The following NLGN1 variants were observed in gnomAD, a reference collection of about 807,000 sequenced individuals.
The protein encoded by NLGN1 is neuroligin 1, also known as neuroligin-1.
A neutral mutation model predicts 65.5 loss-of-function variants in NLGN1; 12 were observed. That is an observed-to-expected ratio of 0.18 (90% CI 0.12 to 0.30). The LOEUF (loss-of-function observed/expected upper bound fraction) is 0.30. NLGN1 is among the 10% of genes least tolerant of loss of function. The pLI is 1.00. For synonymous variants in NLGN1, 350 were observed against 359.5 expected (o/e 0.97, Z 0.30); for missense variants, 750 against 1,007.1 (o/e 0.74, Z 3.46).
Position 173,928,672 on chromosome 3 carries a change from A to ATTTT in NLGN1, c.646+120856_646+120859dup, listed in dbSNP as rs34589178. Among the ~76,000 whole-genome samples, 420 of 134,510 alleles carry ATTTT rather than the reference A, an allele frequency of 3.1e-3. 4 individuals are homozygous for ATTTT. Among genetic ancestry groups the ATTTT allele is most frequent in the East Asian group, 0.017 (79 of 4,552 alleles). 88.2% of individuals were successfully genotyped at this position (134,510 alleles called of 152,430 possible). ...GCTCACAATAGATTAGACATAGTTA[A>ATTTT]TTTTTTTTTTTTTTTTTTTGAGATA... On this transcript the variant is annotated intron_variant, in intron 4 of 6. Transcript: ENST00000457714.
At chr3:173,807,236 A>G (rs1716860613) in intron 3 of NLGN1, among the ~76,000 whole-genome samples, 1 of 152,180 alleles carries the variant, frequency 6.6e-6, no homozygotes, top group South Asian at 2.1e-4. Context: ...TTTACAGTAC[A>G]TAAGAAAGGT....
chr3:173,947,694 TTTA>T (rs1470141150), intron 4 of NLGN1, among the ~76,000 whole-genome samples: 1 of 152,204 alleles, frequency 6.6e-6, no homozygotes, highest in Non-Finnish European at 1.5e-5. Flanking sequence ...TCACTTAGAA[TTTA>T]TTTTTAGCTT....
intron 4 of NLGN1, among the ~76,000 whole-genome samples, chr3:174,059,527 A>G (rs1297465379): frequency 1.3e-5 from 2 of 152,148 alleles, no homozygotes; most frequent in African/African-American, 4.8e-5. Flanking sequence ...ATCAAATAGT[A>G]TGCTAAGCTA....
At chr3:174,064,378 C>T (rs1266710034) in intron 4 of NLGN1, among the ~76,000 whole-genome samples, 1 of 151,772 alleles carries the variant, frequency 6.6e-6, no homozygotes, top group Admixed American at 6.6e-5. Flanking sequence ...GGAATATTAG[C>T]CTATCATCAT....
At chr3:173,433,506 G>A (rs1333480207) in intron 1 of NLGN1, among the ~76,000 whole-genome samples, 2 of 152,142 alleles carry the variant, frequency 1.3e-5, no homozygotes, top group African/African-American at 4.8e-5. Flanking sequence ...GAAAAAGAAG[G>A]AAAAGGGAAG....
intron 3 of NLGN1, among the ~76,000 whole-genome samples, chr3:173,691,183 A>AT (rs1765416219): frequency 6.6e-6 from 1 of 152,028 alleles, no homozygotes; most frequent in Admixed American, 6.6e-5. Flanking sequence ...TCCTTTGCTC[A>AT]TGCTGTTTTC....
At chr3:173,787,802 C>G (rs1711548251) in intron 3 of NLGN1, among the ~76,000 whole-genome samples, 1 of 152,172 alleles carries the variant, frequency 6.6e-6, no homozygotes, top group African/African-American at 2.4e-5. Flanking sequence ...GACCATGTTT[C>G]CGATGTTTTT....
intron 4 of NLGN1, among the ~76,000 whole-genome samples, chr3:173,960,210 C>A (rs114934467): frequency 5.3e-5 from 8 of 151,950 alleles, no homozygotes; most frequent in Non-Finnish European, 8.8e-5. Context: ...TCCTACAATA[C>A]GGGCTCTCTT....
At chr3:174,117,779 A>C (rs749385769) in intron 4 of NLGN1, among the ~76,000 whole-genome samples, 1 of 152,218 alleles carries the variant, frequency 6.6e-6, no homozygotes, top group Non-Finnish European at 1.5e-5. Flanking sequence ...ATCCATAAAA[A>C]GTTGATTGAT....
chr3:173,834,424 C>G (rs940418992), intron 4 of NLGN1, among the ~76,000 whole-genome samples: 1 of 151,998 alleles, frequency 6.6e-6, no homozygotes, highest in Non-Finnish European at 1.5e-5. Flanking sequence ...TATTGGAATT[C>G]CATTAAATAT....
intron 4 of NLGN1, among the ~76,000 whole-genome samples, chr3:173,865,242 C>CT (rs931152915): frequency 6.0e-5 from 9 of 150,876 alleles, no homozygotes; most frequent in Middle Eastern, 3.4e-3. Flanking sequence ...CACTGAGTTT[C>CT]TTTTTTTTTA....
chr3:174,123,212 A>AT (rs1718149776), intron 4 of NLGN1, among the ~76,000 whole-genome samples: 1 of 152,184 alleles, frequency 6.6e-6, no homozygotes, highest in South Asian at 2.1e-4. Flanking sequence ...AGCCATTTGC[A>AT]TGCAGGTTTT....
chr3:173,773,983 A>G (rs553273274), intron 3 of NLGN1, among the ~76,000 whole-genome samples: 1 of 152,324 alleles, frequency 6.6e-6, no homozygotes, highest in African/African-American at 2.4e-5. Context: ...ACCCGAAGTC[A>G]TAAGGTGGTA....
chr3:174,152,172 A>C (rs977969598), intron 4 of NLGN1, among the ~76,000 whole-genome samples: 1 of 152,162 alleles, frequency 6.6e-6, no homozygotes, highest in African/African-American at 2.4e-5. Flanking sequence ...GAAGAGAAGT[A>C]GAGCTAAACT....
At chr3:173,820,147 C>G (rs1166606129) in intron 4 of NLGN1, among the ~76,000 whole-genome samples, 1 of 149,178 alleles carries the variant, frequency 6.7e-6, no homozygotes, top group African/African-American at 2.5e-5. Flanking sequence ...CCACTGCACT[C>G]CAGCCTGGGA....
intron 3 of NLGN1, among the ~76,000 whole-genome samples, chr3:173,795,270 T>C (rs116236632): frequency 1.7e-3 from 255 of 152,206 alleles, no homozygotes; most frequent in African/African-American, 5.9e-3. Flanking sequence ...TTCCAATATC[T>C]CATTGGAGTG....
chr3:174,120,384 G>A (rs1320205166), intron 4 of NLGN1, among the ~76,000 whole-genome samples: 1 of 151,972 alleles, frequency 6.6e-6, no homozygotes, highest in African/African-American at 2.4e-5. Flanking sequence ...GTGCATGCCT[G>A]TAATCCCACC....
At chr3:174,261,956 C>T (rs1490170922) in intron 4 of NLGN1, among the ~76,000 whole-genome samples, 1 of 145,958 alleles carries the variant, frequency 6.9e-6, no homozygotes, top group Non-Finnish European at 1.5e-5. Context: ...TGGTTTTTGT[C>T]TTTGGCTCTG....
chr3:173,526,753 C>CT (rs1353680969), intron 2 of NLGN1, among the ~76,000 whole-genome samples: 3 of 152,160 alleles, frequency 2.0e-5, no homozygotes, highest in Non-Finnish European at 4.4e-5. Context: ...CCCCACTACC[C>CT]TTTCCAGCCT....
Sources: gnomAD v4.1 joint callset for allele counts (sites outside exome capture counted in the v4.1 genomes callset) on GRCh38, gnomAD v4.1.1 for gene constraint, MANE v1.5 for transcripts, NCBI Gene and HGNC (gene_info 2026-07-23, HGNC 2026-07-21) for gene names.